Variants in OPCML observed in about 807,000 individuals in gnomAD.
OPCML encodes the protein opioid-binding protein/cell adhesion molecule.
In OPCML, 13 loss-of-function variants were observed where a neutral mutation model predicts 37.8. The observed-to-expected ratio is 0.34, with a 90% CI of 0.22 to 0.55. OPCML has a LOEUF of 0.55. Ranked by LOEUF, OPCML falls within the 20% of genes least tolerant of loss-of-function variation. The probability of loss-of-function intolerance (pLI) is 0.91; values close to 1 mark genes in which losing one functional copy is unlikely to be tolerated. For synonymous variants in OPCML, 176 were observed against 168.8 expected (o/e 1.04, Z -0.33); for missense variants, 341 against 435.6 (o/e 0.78, Z 1.93).
intron 1 of OPCML, among the ~76,000 whole-genome samples, chr11:132,952,707 C>T (rs560243395): frequency 1.2e-4 from 18 of 152,186 alleles, no homozygotes; most frequent in Admixed American, 5.2e-4. Flanking sequence ...CCAAGCAGGG[C>T]GATCCTCTGA....
chr11:132,439,680 C>T lies in OPCML; in HGVS notation c.506-2321G>A, dbSNP rs148080580. Among the ~76,000 whole-genome samples the T allele has an allele frequency of 6.5e-3, 923 of 143,016 alleles. 10 individuals carry two copies. Among genetic ancestry groups the T allele is most frequent in the African/African-American group, 0.022 (843 of 39,028 alleles). The allele number at this position is 143,016 out of a possible 152,430, so 93.8% of individuals were successfully genotyped here. ...AATGGAATCAAACACATCAAAATGA[C>T]GTTCCAGACACCTCGCCATTTTTTT... On this transcript the variant is annotated intron_variant, in intron 4 of 7. Coordinates refer to ENST00000524381, the MANE Select transcript of OPCML (RefSeq NM_001012393.5).
At chr11:132,674,771 G>T (rs564866881) in intron 2 of OPCML, among the ~76,000 whole-genome samples, 7 of 152,260 alleles carry the variant, frequency 4.6e-5, no homozygotes, top group African/African-American at 7.2e-5. Flanking sequence ...GGTGGAACAG[G>T]TAGGGTATTT....
rs540697699 is a variant in OPCML at position 132,556,070 on chromosome 11, C to T, written c.380-26884G>A. 3.3e-3 allele frequency among the ~76,000 whole-genome samples: 503 copies of T among 151,970 alleles called. 4 individuals carry two copies. Among genetic ancestry groups the T allele is most frequent in the African/African-American group, 0.012 (479 of 41,452 alleles). On this transcript the variant is annotated intron_variant, in intron 3 of 7. Coordinates refer to ENST00000524381, the MANE Select transcript of OPCML (RefSeq NM_001012393.5). ...CCTCCTGCCTCAGCCTCTGAAGTAG[C>T]TGCGTCTACAGGTGTGCACGAACAC...
At chr11:132,708,584 C>T (rs559214594) in intron 2 of OPCML, among the ~76,000 whole-genome samples, 7 of 152,310 alleles carry the variant, frequency 4.6e-5, no homozygotes, top group East Asian at 1.9e-4. Context: ...ACAGGTCAAA[C>T]GCCGCTGGAT....
At chr11:133,499,836 GTA>G (rs1330073671) in intron 1 of OPCML, among the ~76,000 whole-genome samples, 3 of 135,040 alleles carry the variant, frequency 2.2e-5, no homozygotes, top group African/African-American at 8.7e-5. Context: ...ATATATATGT[GTA>G]TGTATATATA....
chr11:132,983,584 C>T (rs552133724), intron 1 of OPCML, among the ~76,000 whole-genome samples: 1 of 152,188 alleles, frequency 6.6e-6, no homozygotes, highest in South Asian at 2.1e-4. Context: ...CCTGGAGAAC[C>T]GAGATCACAT....
chr11:133,345,588 G>A (rs909268503), intron 1 of OPCML, among the ~76,000 whole-genome samples: 7 of 152,190 alleles, frequency 4.6e-5, no homozygotes, highest in Admixed American at 4.6e-4. Context: ...CACTGTCAGA[G>A]AACGTATTGC....
At chr11:132,421,216 A>G (rs2095957782) in intron 7 of OPCML, among the ~76,000 whole-genome samples, 1 of 152,196 alleles carries the variant, frequency 6.6e-6, no homozygotes, top group Admixed American at 6.5e-5. Flanking sequence ...ATAGGGTGGT[A>G]CGCAAGACTA....
At chr11:133,335,246 G>A (rs1210531974) in intron 1 of OPCML, among the ~76,000 whole-genome samples, 1 of 152,190 alleles carries the variant, frequency 6.6e-6, no homozygotes, top group Admixed American at 6.5e-5. Context: ...TTATAATAAA[G>A]GAAGCTCAGG....
At chr11:132,992,764 T>C (rs1379480820) in intron 1 of OPCML, among the ~76,000 whole-genome samples, 1 of 152,000 alleles carries the variant, frequency 6.6e-6, no homozygotes, top group East Asian at 1.9e-4. Flanking sequence ...CCCTTTGGGG[T>C]TCTATCAGAA....
Position 132,956,333 on chromosome 11 carries a change from C to T in OPCML, c.62-13323G>A, listed in dbSNP as rs1945977777. Among the ~76,000 whole-genome samples the T allele has an allele frequency of 2.0e-5, 3 of 152,140 alleles. No homozygotes were observed. In the South Asian group the frequency reaches 6.2e-4, roughly 32 times the overall value. Reference sequence around the variant, plus strand: ...TAGGATTCTAATCAATAAAACAGAGCCAGATTCATCAGAAACATTGCTTGT... The same window carrying T: ...TAGGATTCTAATCAATAAAACAGAGTCAGATTCATCAGAAACATTGCTTGT... On this transcript the variant is annotated intron_variant, in intron 1 of 7. Transcript: ENST00000524381.
At chr11:133,486,787 A>G (rs1008573524) in intron 1 of OPCML, among the ~76,000 whole-genome samples, 1 of 151,518 alleles carries the variant, frequency 6.6e-6, no homozygotes, top group African/African-American at 2.4e-5. Context: ...TATTCTTTGC[A>G]GTCTTGTTCC....
intron 3 of OPCML, among the ~76,000 whole-genome samples, chr11:132,580,095 C>A (rs1208634870): frequency 2.0e-5 from 3 of 152,114 alleles, no homozygotes; most frequent in African/African-American, 4.8e-5. Context: ...GGGGAACCAG[C>A]AAACAAGTTT....
intron 2 of OPCML, among the ~76,000 whole-genome samples, chr11:132,677,444 A>T (rs1191131958): frequency 6.6e-6 from 1 of 152,134 alleles, no homozygotes; most frequent in South Asian, 2.1e-4. Flanking sequence ...ACCCAGAATA[A>T]CCAACACAAT....
chr11:133,099,504 G>C (rs1237602961), intron 1 of OPCML, among the ~76,000 whole-genome samples: 1 of 148,154 alleles, frequency 6.7e-6, no homozygotes, highest in East Asian at 2.0e-4. Flanking sequence ...AGTCAGGATG[G>C]TCTCGATCTC....
At chr11:133,137,021 A>G (rs1949702797) in intron 1 of OPCML, among the ~76,000 whole-genome samples, 1 of 152,026 alleles carries the variant, frequency 6.6e-6, no homozygotes, top group Non-Finnish European at 1.5e-5. Flanking sequence ...AAGAATTTGC[A>G]TATTTGCAGG....
chr11:132,917,340 A>G (rs1944640951), intron 2 of OPCML, among the ~76,000 whole-genome samples: 1 of 152,168 alleles, frequency 6.6e-6, no homozygotes, highest in South Asian at 2.1e-4. Context: ...ATTGTTCTCT[A>G]TGTTAATTAA....
chr11:133,117,727 G>T (rs1949358559), intron 1 of OPCML: 1 of 899,346 alleles, frequency 1.1e-6, no homozygotes, highest in Non-Finnish European at 1.3e-6. Flanking sequence ...ATTATCAACT[G>T]TAGGAAATGA....
chr11:132,721,856 A>T (rs1218336672), intron 2 of OPCML, among the ~76,000 whole-genome samples: 1 of 152,166 alleles, frequency 6.6e-6, no homozygotes, highest in Non-Finnish European at 1.5e-5. Context: ...TCAGTGACTA[A>T]AAACAAGAAC....
Sources: gnomAD v4.1 joint callset for allele counts (sites outside exome capture counted in the v4.1 genomes callset) on GRCh38, gnomAD v4.1.1 for gene constraint, MANE v1.5 for transcripts, NCBI Gene and HGNC (gene_info 2026-07-23, HGNC 2026-07-21) for gene names.